JMJD1C: variants seen among roughly 807,000 people sequenced by gnomAD.
JMJD1C encodes the protein jumonji domain-containing protein 1C.
In JMJD1C, 31 loss-of-function variants were observed where a neutral mutation model predicts 245.3. The ratio of observed to expected loss-of-function variants is 0.13; its 90% CI spans 0.09 to 0.17. The LOEUF (loss-of-function observed/expected upper bound fraction) is 0.17. Ranked by LOEUF, JMJD1C falls within the 10% of genes least tolerant of loss-of-function variation. The pLI is 1.00. For missense variants in JMJD1C, 2,691 were observed against 3,000.2 expected (o/e 0.90, Z 2.41); for synonymous variants, 1,057 against 1,017.4 (o/e 1.04, Z -0.74).
chr10:63,330,404 T>C (rs1350739608), intron 2 of JMJD1C, among the ~76,000 whole-genome samples: 10 of 152,212 alleles, frequency 6.6e-5, no homozygotes, highest in African/African-American at 2.2e-4. Context: ...GGTATCTTTC[T>C]AGTTTACCAT....
At chr10:63,377,234 G>T (rs570068113) in intron 2 of JMJD1C, among the ~76,000 whole-genome samples, 4 of 152,162 alleles carry the variant, frequency 2.6e-5, no homozygotes, top group African/African-American at 9.7e-5. Flanking sequence ...AGAATGGTGG[G>T]CCAGGAAGAC....
chr10:63,409,808 T>C (rs956803137), intron 1 of JMJD1C, among the ~76,000 whole-genome samples: 4 of 152,142 alleles, frequency 2.6e-5, no homozygotes, highest in African/African-American at 9.7e-5. Flanking sequence ...GCCTGAGGTC[T>C]TTTACTTTTA....
intron 1 of JMJD1C, among the ~76,000 whole-genome samples, chr10:63,488,022 T>A (rs1482281188): frequency 6.6e-6 from 1 of 152,064 alleles, no homozygotes; most frequent in African/African-American, 2.4e-5. Flanking sequence ...ACGATGTGGA[T>A]GACAGAGCTG....
intron 22 of JMJD1C, among the ~76,000 whole-genome samples, chr10:63,183,181 C>T (rs1057372938): frequency 1.3e-5 from 2 of 151,888 alleles, no homozygotes; most frequent in East Asian, 1.9e-4. Flanking sequence ...TTTACAAGTG[C>T]GCTTAATGGT....
chr10:63,264,557 A>AATGATATTTAAAG, intron 3 of JMJD1C, 94 bp downstream of exon 3: 1 of 616,298 alleles, frequency 1.6e-6, no homozygotes. Context: ...AAGTTAGATG[A>AATGATATTTAAAG]AATGATATTT....
At chr10:63,505,036 G>T (rs1269146087) in intron 1 of JMJD1C, among the ~76,000 whole-genome samples, 1 of 152,104 alleles carries the variant, frequency 6.6e-6, no homozygotes, top group African/African-American at 2.4e-5. Context: ...TCCTCAGCTG[G>T]GCACAGTGGC....
Position 63,508,955 on chromosome 10 carries a change from C to T in JMJD1C, n.113+12783G>A, listed in dbSNP as rs146989691. Among the ~76,000 whole-genome samples, 412 of 152,280 alleles carry T rather than the reference C, an allele frequency of 2.7e-3. 6 individuals are homozygous for T. The highest frequency in any genetic ancestry group is 9.7e-3 in the African/African-American group (402 of 41,550). Reference sequence around the variant, plus strand: ...TTTTGTCTTACTGCATCAGCTAGAACAGAATGATGCTGAAAAGCAATGATT... The same window carrying T: ...TTTTGTCTTACTGCATCAGCTAGAATAGAATGATGCTGAAAAGCAATGATT... On this transcript the variant is annotated intron_variant and non_coding_transcript_variant, in intron 1 of 3. Coordinates refer to the JMJD1C transcript ENST00000633035.
At chr10:63,242,826 C>G (rs1189191249) in intron 3 of JMJD1C, among the ~76,000 whole-genome samples, 2 of 151,960 alleles carry the variant, frequency 1.3e-5, no homozygotes, top group East Asian at 1.9e-4. Flanking sequence ...TTAACTCTGA[C>G]CATATATATT....
chr10:63,357,613 G>A (rs1944958331), intron 2 of JMJD1C, among the ~76,000 whole-genome samples: 1 of 151,986 alleles, frequency 6.6e-6, no homozygotes, highest in African/African-American at 2.4e-5. Context: ...GCATAAATGT[G>A]CTTTAAAAGA....
intron 1 of JMJD1C, among the ~76,000 whole-genome samples, chr10:63,433,642 A>C (rs1950905354): frequency 6.8e-6 from 1 of 147,720 alleles, no homozygotes; most frequent in Non-Finnish European, 1.5e-5. Context: ...CTGGAGTGCA[A>C]GGGTGAGATC....
At chr10:63,464,288 C>T (rs1430859032) in intron 1 of JMJD1C, among the ~76,000 whole-genome samples, 1 of 152,098 alleles carries the variant, frequency 6.6e-6, no homozygotes, top group Non-Finnish European at 1.5e-5. Context: ...ATACATGCCG[C>T]ATTAACCATA....
At position 63,207,306 on chromosome 10, in the gene JMJD1C, G is replaced by A; in HGVS notation, c.4363C>T (p.Pro1455Ser). The A allele has an allele frequency of 6.2e-7, 1 of 1,613,580 alleles. No homozygotes were observed. The change falls in exon 10 of 26, where the codon CCA becomes TCA. Residue 1455 changes from proline (P) to serine (S), a missense_variant. Coordinates refer to ENST00000399262, the MANE Select transcript of JMJD1C (RefSeq NM_032776.3). ...KQECKVSTTA[P>S]VTLASSKTGS... ...GTCTTACTACTGGCTAATGTAACTG[G>A]TGCTGTGGTGCTGACCTTGCATTCT...
At position 63,208,484 on chromosome 10, in the gene JMJD1C, T is replaced by C. The variant is rs368586997; in HGVS notation, c.3185A>G (p.His1062Arg). The part of the protein sequence containing the change: ...VASSSSSPKS[H>R]IIKQDMDVER... Reference sequence around the variant, plus strand: ...TACATCCATATCTTGTTTGATGATATGGCTTTTAGGACTGGAAGATGATGA... The same window carrying C: ...TACATCCATATCTTGTTTGATGATACGGCTTTTAGGACTGGAAGATGATGA... The change falls in exon 10 of 26, where the codon CAT becomes CGT. Residue 1062 changes from histidine (H) to arginine (R), a missense_variant. Transcript: ENST00000399262. The C allele has an allele frequency of 1.6e-5, 26 of 1,613,946 alleles. No homozygotes were observed. Among genetic ancestry groups the C allele is most frequent in the Non-Finnish European group, 1.9e-5 (23 of 1,179,970 alleles).
chr10:63,414,482 TC>T (rs1564895114), intron 1 of JMJD1C, among the ~76,000 whole-genome samples: 1 of 152,138 alleles, frequency 6.6e-6, no homozygotes, highest in Non-Finnish European at 1.5e-5. Context: ...CCCGTAATTT[TC>T]TCAACTCTCA....
At chr10:63,371,591 TACACTTTTTAA>T (rs1170594994) in intron 2 of JMJD1C, among the ~76,000 whole-genome samples, 2 of 152,142 alleles carry the variant, frequency 1.3e-5, no homozygotes, top group Non-Finnish European at 2.9e-5. Flanking sequence ...CTAAACTGAA[TACACTTTTTAA>T]AAACTGTTTT....
intron 2 of JMJD1C, among the ~76,000 whole-genome samples, chr10:63,303,818 G>A (rs1330956516): frequency 6.6e-6 from 1 of 152,052 alleles, no homozygotes; most frequent in African/African-American, 2.4e-5. Flanking sequence ...CATTGCCCCA[G>A]AAAGCCATTA....
At position 63,173,815 on chromosome 10, in the gene JMJD1C, A is replaced by C. The variant is rs527783320; in HGVS notation, c.7401+2482T>G. Among the ~76,000 whole-genome samples, 9 of 136,328 alleles carry C rather than the reference A, an allele frequency of 6.6e-5. No homozygotes were observed. The East Asian group carries it at 1.9e-3, about 29-fold the overall frequency. 89.4% of individuals were successfully genotyped at this position (136,328 alleles called of 152,430 possible). A position where few individuals can be genotyped will look rare whatever the true frequency, so the allele number is the denominator to read the frequency against. Reference sequence around the variant, plus strand: ...TGTAAAACACATTATCAGATAAAAGACATTATCAGAAATTGGCAAAAAACA... The same window carrying C: ...TGTAAAACACATTATCAGATAAAAGCCATTATCAGAAATTGGCAAAAAACA... On this transcript the variant is annotated intron_variant, in intron 24 of 25. Coordinates refer to ENST00000399262, the MANE Select transcript of JMJD1C (RefSeq NM_032776.3).
At chr10:63,315,625 A>T (rs1055351571) in intron 2 of JMJD1C, among the ~76,000 whole-genome samples, 1 of 151,912 alleles carries the variant, frequency 6.6e-6, no homozygotes, top group African/African-American at 2.4e-5. Flanking sequence ...GCGGGTCACA[A>T]GGTCAGGAGA....
intron 1 of JMJD1C, among the ~76,000 whole-genome samples, chr10:63,398,760 C>T (rs534653317): frequency 2.6e-5 from 4 of 152,130 alleles, no homozygotes; most frequent in Non-Finnish European, 5.9e-5. Context: ...TCTCATGCCT[C>T]AGCCACCTGA....
Sources: gnomAD v4.1 joint callset for allele counts (sites outside exome capture counted in the v4.1 genomes callset) on GRCh38, gnomAD v4.1.1 for gene constraint, MANE v1.5 for transcripts, NCBI Gene and HGNC (gene_info 2026-07-23, HGNC 2026-07-21) for gene names.